ABHD17C: variants seen among roughly 807,000 people sequenced by gnomAD.
The protein encoded by ABHD17C is alpha/beta hydrolase domain-containing protein 17C.
ABHD17C carries 11 observed loss-of-function variants against 27.9 expected under a neutral mutation model. The ratio of observed to expected loss-of-function variants is 0.39; its 90% CI spans 0.25 to 0.65. ABHD17C has a LOEUF of 0.65. Ranked by LOEUF, ABHD17C falls within the 30% of genes least tolerant of loss-of-function variation. ABHD17C has a pLI of 0.45. For missense variants in ABHD17C, 280 were observed against 470.2 expected (o/e 0.60, Z 3.74); for synonymous variants, 233 against 209.1 (o/e 1.11, Z -0.98).
Position 80,755,097 on chromosome 15 carries a change from T to A in ABHD17C, c.*727T>A, listed in dbSNP as rs977713405. 6.6e-6 allele frequency: 1 copy of A among 152,240 alleles called. No homozygotes were observed. The highest frequency in any genetic ancestry group is 2.1e-4 in the South Asian group (1 of 4,828). 9.4% of individuals were successfully genotyped at this position (152,240 alleles called of 1,614,324 possible). A position where few individuals can be genotyped will look rare whatever the true frequency, so the allele number is the denominator to read the frequency against. On this transcript the variant is annotated 3_prime_UTR_variant, in exon 3 of 3. Transcript: ENST00000258884. Reference sequence around the variant, plus strand: ...GTAAAGTCCTCCTTGTAGGCTTTTTTAAAGTACTGTACATATTTGCAATCA... The same window carrying A: ...GTAAAGTCCTCCTTGTAGGCTTTTTAAAAGTACTGTACATATTTGCAATCA...
intron 1 of ABHD17C, among the ~76,000 whole-genome samples, chr15:80,738,680 G>A (rs773001531): frequency 1.3e-5 from 2 of 152,114 alleles, no homozygotes; most frequent in Non-Finnish European, 2.9e-5. Context: ...TATAGGGCAT[G>A]GTGATTGATA....
chr15:80,722,933 C>T (rs978439877), intron 1 of ABHD17C, among the ~76,000 whole-genome samples: 5 of 152,214 alleles, frequency 3.3e-5, no homozygotes, highest in Admixed American at 2.6e-4. Flanking sequence ...TTAGCTTTCG[C>T]ATCTACAGAT....
intron 1 of ABHD17C, among the ~76,000 whole-genome samples, chr15:80,746,687 A>G (rs765075788): frequency 2.6e-5 from 4 of 152,204 alleles, no homozygotes; most frequent in Non-Finnish European, 4.4e-5. Flanking sequence ...TGGCTGGTCC[A>G]GGACATTGGC....
At chr15:80,732,503 C>G (rs538721977) in intron 1 of ABHD17C, among the ~76,000 whole-genome samples, 1 of 152,232 alleles carries the variant, frequency 6.6e-6, no homozygotes, top group East Asian at 1.9e-4. Flanking sequence ...AGGGCCTTTT[C>G]ATTTCTATCC....
chr15:80,726,163 C>T (rs1478392934), intron 1 of ABHD17C, among the ~76,000 whole-genome samples: 1 of 152,350 alleles, frequency 6.6e-6, no homozygotes, highest in South Asian at 2.1e-4. Context: ...AGGCACAGAT[C>T]GCTCATGCTA....
chr15:80,710,282 A>G (rs1259652587), intron 1 of ABHD17C, among the ~76,000 whole-genome samples: 1 of 152,148 alleles, frequency 6.6e-6, no homozygotes, highest in Non-Finnish European at 1.5e-5. Flanking sequence ...TAAGAGGAGT[A>G]GTAGGAGATG....
At chr15:80,717,212 A>G (rs1401345495) in intron 1 of ABHD17C, among the ~76,000 whole-genome samples, 1 of 150,878 alleles carries the variant, frequency 6.6e-6, no homozygotes, top group East Asian at 1.9e-4. Flanking sequence ...TTACAATTGA[A>G]CATACACTCT....
At chr15:80,745,221 C>G (rs774658403) in intron 1 of ABHD17C, among the ~76,000 whole-genome samples, 1 of 152,150 alleles carries the variant, frequency 6.6e-6, no homozygotes, top group Non-Finnish European at 1.5e-5. Context: ...CCCTTTTTGC[C>G]TGTAATCACT....
At chr15:80,696,188 G>A (rs1269806565) in intron 1 of ABHD17C, among the ~76,000 whole-genome samples, 169 bp downstream of exon 1, 1 of 152,240 alleles carries the variant, frequency 6.6e-6, no homozygotes, top group African/African-American at 2.4e-5. Context: ...TCCCACCCTG[G>A]CTTGCTCCCA....
chr15:80,726,333 G>GT (rs1685892709), intron 1 of ABHD17C, among the ~76,000 whole-genome samples: 1 of 152,116 alleles, frequency 6.6e-6, no homozygotes, highest in Admixed American at 6.5e-5. Context: ...TTTACGGCCA[G>GT]TTTTGGGGCC....
chr15:80,711,967 C>G (rs1894734069), intron 1 of ABHD17C, among the ~76,000 whole-genome samples: 1 of 152,182 alleles, frequency 6.6e-6, no homozygotes, highest in African/African-American at 2.4e-5. Flanking sequence ...CGTGGCCTTT[C>G]TTTGCTCTTA....
At chr15:80,703,011 A>G (rs1894595846) in intron 1 of ABHD17C, 1 of 152,246 alleles carries the variant, frequency 6.6e-6, no homozygotes, top group South Asian at 2.1e-4. Flanking sequence ...TGGATAGTTT[A>G]TAAAGAAAGA....
intron 1 of ABHD17C, among the ~76,000 whole-genome samples, chr15:80,745,463 G>T (rs1479887584): frequency 1.3e-5 from 2 of 151,794 alleles, no homozygotes; most frequent in Non-Finnish European, 2.9e-5. Context: ...CGACCTCCTG[G>T]GCCCAAGTGA....
intron 1 of ABHD17C, among the ~76,000 whole-genome samples, chr15:80,710,072 G>C (rs1894709206): frequency 6.6e-6 from 1 of 152,170 alleles, no homozygotes; most frequent in South Asian, 2.1e-4. Context: ...GAGAATGGAT[G>C]GGTTGGCTGC....
chr15:80,707,057 C>G (rs1596060197), intron 1 of ABHD17C, among the ~76,000 whole-genome samples: 1 of 152,196 alleles, frequency 6.6e-6, no homozygotes, highest in East Asian at 1.9e-4. Context: ...GGGAAAACTT[C>G]TTTGTGCGCA....
At chr15:80,708,443 A>G (rs143988726) in intron 1 of ABHD17C, among the ~76,000 whole-genome samples, 8,715 of 152,138 alleles carry the variant, frequency 0.057, 341 homozygotes, top group Middle Eastern at 0.11. Context: ...AGCCTCCCAA[A>G]TAGCTGGGAT....
intron 1 of ABHD17C, among the ~76,000 whole-genome samples, chr15:80,705,336 TG>T (rs1894631765): frequency 1.7e-5 from 2 of 120,992 alleles, no homozygotes; most frequent in Non-Finnish European, 3.7e-5. Context: ...CTATGATTTG[TG>T]TGTGTGTGTG....
At position 80,695,731 on chromosome 15, in the gene ABHD17C, A is replaced by G; in HGVS notation, c.302A>G (p.Gln101Arg). The change falls in exon 1 of 3, where the codon CAG (glutamine) becomes CGG (arginine). Residue 101 changes from glutamine (Q) to arginine (R), a missense_variant. Gln to Arg is a conservative substitution (Grantham distance 43, BLOSUM62 1). This residue lies in a region of ABHD17C where 206 missense variants were observed against 394.7 expected (regional missense o/e 0.52). Transcript: ENST00000258884. This position sits in a 1 kb window ranked among gnomAD's most constrained non-coding sequence, Gnocchi z 4.3. ...LSERADWQYS[Q>R]RELDAVEVFF... ...GAGCGCGCCGACTGGCAGTACTCGC[A>G]GCGCGAGCTGGACGCCGTCGAGGTC... 1.3e-6 allele frequency: 2 copies of G among 1,534,030 alleles called. No homozygotes were observed. The highest frequency in any genetic ancestry group is 8.7e-7 in the Non-Finnish European group (1 of 1,146,352).
intron 1 of ABHD17C, among the ~76,000 whole-genome samples, chr15:80,721,139 A>C (rs1894892133): frequency 6.7e-6 from 1 of 149,696 alleles, no homozygotes; most frequent in Non-Finnish European, 1.5e-5. Flanking sequence ...ACTTTGTTTG[A>C]TATTCTGAGA....
Sources: allele counts gnomAD v4.1 joint callset (sites outside exome capture counted in the v4.1 genomes callset), GRCh38; gene constraint gnomAD v4.1.1; regional missense constraint gnomAD v4.1.1; non-coding constraint Gnocchi (gnomAD v3.1); transcripts MANE v1.5; gene names NCBI Gene and HGNC (gene_info 2026-07-23, HGNC 2026-07-21).